Variants in CNTN5 observed in about 807,000 individuals in gnomAD.
The protein encoded by CNTN5 is contactin-5.
Under a neutral mutation model 129.1 loss-of-function variants are expected in CNTN5, and 77 were observed. The observed-to-expected ratio is 0.60, with a 90% CI of 0.50 to 0.72. CNTN5 has a LOEUF of 0.72. Ranked by LOEUF, CNTN5 falls within the 30% of genes least tolerant of loss-of-function variation. The pLI, the probability that CNTN5 is intolerant of heterozygous loss-of-function variation, is 0.00. For synonymous variants in CNTN5, 509 were observed against 465.6 expected (o/e 1.09, Z -1.20); for missense variants, 1,478 against 1,328.8 (o/e 1.11, Z -1.75).
intron 13 of CNTN5, among the ~76,000 whole-genome samples, chr11:100,098,234 G>T (rs1024015839): frequency 1.3e-5 from 2 of 151,920 alleles, no homozygotes; most frequent in African/African-American, 4.8e-5. Context: ...TGACTTTAAA[G>T]CAAATACATC....
At chr11:99,613,414 C>T (rs1007626255) in intron 3 of CNTN5, among the ~76,000 whole-genome samples, 1 of 152,126 alleles carries the variant, frequency 6.6e-6, no homozygotes, top group Non-Finnish European at 1.5e-5. Context: ...TTTCTGAGGC[C>T]TCCCCAGCCG....
At chr11:99,146,773 G>A (rs1215621562) in intron 1 of CNTN5, among the ~76,000 whole-genome samples, 1 of 151,924 alleles carries the variant, frequency 6.6e-6, no homozygotes, top group Non-Finnish European at 1.5e-5. Context: ...CCAGACTAGG[G>A]TGCAGTGGCA....
intron 1 of CNTN5, among the ~76,000 whole-genome samples, chr11:99,180,871 A>G (rs970774151): frequency 2.0e-5 from 3 of 152,242 alleles, no homozygotes; most frequent in Non-Finnish European, 2.9e-5. Context: ...TGATATACAC[A>G]TAAGATTCAA....
chr11:100,329,690 T>C lies in CNTN5; in HGVS notation c.2731-10773T>C, dbSNP rs879385801. On this transcript the variant is annotated intron_variant, in intron 21 of 24. Transcript: ENST00000524871. ...CCTCCAATGCCAGCCAGAATACCAG[T>C]AGCCCTGCTGGGTGGCTGGACCCAG... Among the ~76,000 whole-genome samples the C allele has an allele frequency of 5.3e-5, 8 of 152,176 alleles. No individual in the cohort carries two copies. The East Asian group carries it at 1.5e-3, about 29-fold the overall frequency.
chr11:100,148,131 A>T (rs1447770464), intron 13 of CNTN5, among the ~76,000 whole-genome samples: 1 of 152,164 alleles, frequency 6.6e-6, no homozygotes. Context: ...CCATATACTC[A>T]TAATTTTTAA....
intron 13 of CNTN5, among the ~76,000 whole-genome samples, chr11:100,096,749 A>G (rs1397598366): frequency 3.3e-5 from 5 of 152,096 alleles, no homozygotes; most frequent in Non-Finnish European, 7.4e-5. Context: ...TTCTACCAGC[A>G]TATTAGTCTG....
chr11:99,144,810 G>A (rs547421711), intron 1 of CNTN5, among the ~76,000 whole-genome samples: 7 of 151,336 alleles, frequency 4.6e-5, no homozygotes, highest in African/African-American at 7.3e-5. Flanking sequence ...GATCATGATT[G>A]TTTAAAATTT....
At chr11:100,056,793 A>G (rs1943246413) in intron 9 of CNTN5, among the ~76,000 whole-genome samples, 1 of 151,682 alleles carries the variant, frequency 6.6e-6, no homozygotes, top group African/African-American at 2.4e-5. Context: ...TCCTGCTTCA[A>G]GCAGAATACT....
intron 1 of CNTN5, among the ~76,000 whole-genome samples, chr11:99,043,414 C>T (rs964214459): frequency 6.6e-6 from 1 of 151,424 alleles, no homozygotes; most frequent in Non-Finnish European, 1.5e-5. Context: ...TGCACATGTA[C>T]CCTAAAACTT....
At chr11:99,217,900 T>A (rs1860208794) in intron 1 of CNTN5, among the ~76,000 whole-genome samples, 1 of 152,174 alleles carries the variant, frequency 6.6e-6, no homozygotes, top group Non-Finnish European at 1.5e-5. Context: ...ATTTTTACAT[T>A]TTACTGAATC....
intron 18 of CNTN5, among the ~76,000 whole-genome samples, chr11:100,289,290 G>A (rs12178478): frequency 6.6e-6 from 1 of 151,958 alleles, no homozygotes; most frequent in African/African-American, 2.4e-5. Flanking sequence ...ACCAAAGCCG[G>A]GCAGAGACAC....
chr11:100,132,946 T>A (rs1189796625), intron 13 of CNTN5, among the ~76,000 whole-genome samples: 1 of 152,156 alleles, frequency 6.6e-6, no homozygotes, highest in Admixed American at 6.6e-5. Context: ...ATTTTCTATT[T>A]TTAGTATTAC....
rs552056496 is a variant in CNTN5, at chr11:99,359,308, C to T, written c.-71+33824C>T. On this transcript the variant is annotated intron_variant, in intron 2 of 24. Transcript: ENST00000524871. ...GAATGGGTGAAAAAAGCATAAGCTT[C>T]CCTCAAACCCTTTTTCTAAAGGCAC... Among the ~76,000 whole-genome samples the T allele has an allele frequency of 2.0e-5, 3 of 152,112 alleles. No individual in the cohort carries two copies. The East Asian group carries it at 5.8e-4, about 30-fold the overall frequency.
chr11:99,753,887 T>TA (rs1443610529), intron 3 of CNTN5, among the ~76,000 whole-genome samples: 2 of 150,582 alleles, frequency 1.3e-5, no homozygotes, highest in East Asian at 3.9e-4. Context: ...GGGGTTTTGC[T>TA]ATGTTGGCTA....
intron 15 of CNTN5, among the ~76,000 whole-genome samples, chr11:100,195,306 T>TC (rs1424889720): frequency 6.6e-6 from 1 of 152,040 alleles, no homozygotes; most frequent in Non-Finnish European, 1.5e-5. Flanking sequence ...TCCCTCTCTT[T>TC]ATTTTACAAT....
chr11:99,781,921 C>A (rs1042759676), intron 3 of CNTN5, among the ~76,000 whole-genome samples: 1 of 152,022 alleles, frequency 6.6e-6, no homozygotes, highest in African/African-American at 2.4e-5. Context: ...TGGCAGAAGA[C>A]AGGGATGCCC....
chr11:99,300,133 T>G (rs1377814682), intron 1 of CNTN5, among the ~76,000 whole-genome samples: 1 of 152,148 alleles, frequency 6.6e-6, no homozygotes, highest in Non-Finnish European at 1.5e-5. Flanking sequence ...CTGATTGTTG[T>G]GGCCAGGACT....
intron 3 of CNTN5, among the ~76,000 whole-genome samples, chr11:99,788,556 C>T (rs1945620740): frequency 6.6e-6 from 1 of 151,912 alleles, no homozygotes; most frequent in Non-Finnish European, 1.5e-5. Context: ...TTCAGCAATA[C>T]TTGTTCAGTA....
intron 1 of CNTN5, among the ~76,000 whole-genome samples, chr11:99,190,492 T>C (rs1858581693): frequency 6.6e-6 from 1 of 151,774 alleles, no homozygotes; most frequent in Non-Finnish European, 1.5e-5. Flanking sequence ...TTGGGTAGTA[T>C]GAACATTTTC....
Sources: allele counts gnomAD v4.1 joint callset (sites outside exome capture counted in the v4.1 genomes callset), GRCh38; gene constraint gnomAD v4.1.1; transcripts MANE v1.5; gene names NCBI Gene and HGNC (gene_info 2026-07-23, HGNC 2026-07-21).